The following PHC3 variants were observed in gnomAD, a reference collection of about 807,000 sequenced individuals.
PHC3 encodes the protein polyhomeotic-like protein 3.
In PHC3, 13 loss-of-function variants were observed where a neutral mutation model predicts 107.4. That is an observed-to-expected ratio of 0.12 (90% confidence interval 0.08 to 0.19). The LOEUF (loss-of-function observed/expected upper bound fraction) is 0.19. Ranked by LOEUF, PHC3 falls within the 10% of genes least tolerant of loss-of-function variation. PHC3 has a pLI of 1.00. For missense variants in PHC3, 992 were observed against 1,210.9 expected (o/e 0.82, Z 2.68); for synonymous variants, 456 against 427.4 (o/e 1.07, Z -0.83).
intron 4 of PHC3, among the ~76,000 whole-genome samples, chr3:170,158,464 T>C (rs867160776): frequency 5.3e-5 from 8 of 151,892 alleles, no homozygotes; most frequent in African/African-American, 1.9e-4. Flanking sequence ...TAGCTGGACA[T>C]AGTGGCAGGC....
chr3:170,144,551 T>C (rs1444961191), intron 6 of PHC3, among the ~76,000 whole-genome samples: 3 of 152,192 alleles, frequency 2.0e-5, no homozygotes, highest in Non-Finnish European at 4.4e-5. Flanking sequence ...TAAGAGGAAC[T>C]GTAAAACTGT....
chr3:170,161,722 CA>C (rs1157850194), intron 4 of PHC3, among the ~76,000 whole-genome samples: 1 of 152,148 alleles, frequency 6.6e-6, no homozygotes, highest in Admixed American at 6.6e-5. Context: ...CTGGGAAGTC[CA>C]AAATTAAAGT....
chr3:170,163,527 A>C (rs1048270068), intron 4 of PHC3, among the ~76,000 whole-genome samples: 5 of 151,810 alleles, frequency 3.3e-5, no homozygotes, highest in African/African-American at 1.2e-4. Context: ...TCACATGAAA[A>C]CAAACAAAAT....
chr3:170,169,418 G>A (rs912861108), intron 4 of PHC3, among the ~76,000 whole-genome samples: 2 of 152,054 alleles, frequency 1.3e-5, no homozygotes, highest in African/African-American at 4.8e-5. Flanking sequence ...TTTGGATATT[G>A]ACCTAAATTT....
At chr3:170,149,945 T>C (rs1725632053) in intron 4 of PHC3, 1 of 152,202 alleles carries the variant, frequency 6.6e-6, no homozygotes, top group Non-Finnish European at 1.5e-5. Context: ...AAGCTTTCCA[T>C]TAGTTTTAAT....
intron 6 of PHC3, among the ~76,000 whole-genome samples, chr3:170,137,307 G>A (rs1331364512): frequency 6.6e-6 from 1 of 152,080 alleles, no homozygotes; most frequent in Non-Finnish European, 1.5e-5. Flanking sequence ...GGCTTTCTAT[G>A]GTGGCTCCTG....
chr3:170,137,861 G>C (rs1238305244), intron 6 of PHC3, among the ~76,000 whole-genome samples: 1 of 152,156 alleles, frequency 6.6e-6, no homozygotes, highest in Non-Finnish European at 1.5e-5. Flanking sequence ...TGGCACCACT[G>C]CACTCCAGCC....
chr3:170,136,661 T>C lies in PHC3; in HGVS notation c.677A>G (p.Gln226Arg), dbSNP rs374829799. The C allele has an allele frequency of 6.8e-6, 11 of 1,612,908 alleles. No individual in the cohort carries two copies. Among genetic ancestry groups the C allele is most frequent in the African/African-American group, 1.3e-5 (1 of 74,934 alleles). The change falls in exon 7 of 15, where the codon CAG becomes CGG. Residue 226 changes from glutamine (Q) to arginine (R), a missense_variant. By Grantham distance (43) the Gln-to-Arg change is conservative. Coordinates refer to ENST00000495893, the MANE Select transcript of PHC3 (RefSeq NM_024947.4). ...CTTCTGGCTGCGTAATGTTAAATTC[T>C]GAACCTAAGAACCACATAACAGAAA... is the stretch of plus-strand genomic sequence containing the variant. ...SSCQSAATQV[Q>R]NLTLRSQKLG... is the part of the protein sequence containing the mutation.
chr3:170,137,503 C>A (rs1378625077), intron 6 of PHC3, among the ~76,000 whole-genome samples: 1 of 152,196 alleles, frequency 6.6e-6, no homozygotes, highest in African/African-American at 2.4e-5. Context: ...CAGGCTAGCA[C>A]TGGCCCTGGG....
At chr3:170,170,708 C>T (rs1424071695) in intron 4 of PHC3, 3 of 151,812 alleles carry the variant, frequency 2.0e-5, no homozygotes, top group African/African-American at 7.3e-5. Context: ...GGGCAATATG[C>T]AATAATTGAT....
chr3:170,138,776 G>A (rs560470659), intron 6 of PHC3, among the ~76,000 whole-genome samples: 24 of 151,446 alleles, frequency 1.6e-4, no homozygotes, highest in African/African-American at 5.6e-4. Flanking sequence ...CCACAACCTA[G>A]GCCAAAACCC....
intron 4 of PHC3, among the ~76,000 whole-genome samples, chr3:170,158,785 G>T (rs1727335591): frequency 6.6e-6 from 1 of 151,584 alleles, no homozygotes; most frequent in Non-Finnish European, 1.5e-5. Flanking sequence ...AAATTAGTCA[G>T]GTGTGGTGGC....
chr3:170,125,520 T>C (rs1721105205), intron 8 of PHC3, among the ~76,000 whole-genome samples: 1 of 152,226 alleles, frequency 6.6e-6, no homozygotes, highest in African/African-American at 2.4e-5. Flanking sequence ...TTAATCCTAA[T>C]GCAGTTACAT....
intron 4 of PHC3, among the ~76,000 whole-genome samples, chr3:170,160,649 C>T (rs1727735146): frequency 6.6e-6 from 1 of 152,192 alleles, no homozygotes; most frequent in Non-Finnish European, 1.5e-5. Context: ...GCCTGTAATC[C>T]TAGCACTTTG....
intron 4 of PHC3, among the ~76,000 whole-genome samples, chr3:170,150,870 T>TA (rs773760340): frequency 4.6e-5 from 7 of 152,086 alleles, no homozygotes; most frequent in Non-Finnish European, 7.4e-5. Context: ...CTCTTTTTTT[T>TA]ATCTTTCTAA....
chr3:170,168,950 ATTT>A (rs762004298), intron 4 of PHC3, among the ~76,000 whole-genome samples: 1 of 138,374 alleles, frequency 7.2e-6, no homozygotes, highest in Admixed American at 7.3e-5. Flanking sequence ...AGTGTTTCGG[ATTT>A]TTTTTTTTTT....
At chr3:170,100,572 G>C (rs1449612227) in intron 14 of PHC3, among the ~76,000 whole-genome samples, 5 of 152,148 alleles carry the variant, frequency 3.3e-5, no homozygotes, top group South Asian at 4.1e-4. Context: ...TATAATAGCT[G>C]TGTCCTTTTT....
intron 10 of PHC3, among the ~76,000 whole-genome samples, chr3:170,116,132 G>C (rs56403328): frequency 0.46 from 70,165 of 152,060 alleles, 16,530 homozygotes; most frequent in East Asian, 0.69. Flanking sequence ...AGTGATAGAG[G>C]ACCTTCATTT....
intron 7 of PHC3, among the ~76,000 whole-genome samples, chr3:170,136,070 C>A (rs1382886328): frequency 6.6e-6 from 1 of 151,998 alleles, no homozygotes; most frequent in Non-Finnish European, 1.5e-5. Context: ...TAGTATACTG[C>A]TTTTTTAAAA....
Sources: gnomAD v4.1 joint callset for allele counts (sites outside exome capture counted in the v4.1 genomes callset) on GRCh38, gnomAD v4.1.1 for gene constraint, MANE v1.5 for transcripts, NCBI Gene and HGNC (gene_info 2026-07-23, HGNC 2026-07-21) for gene names.